The following COA1 variants were observed in gnomAD, a reference collection of about 807,000 sequenced individuals.
COA1 encodes cytochrome c oxidase assembly factor 1 homolog.
A neutral mutation model predicts 16.0 loss-of-function variants in COA1; 13 were observed. The ratio of observed to expected loss-of-function variants is 0.81; its 90% confidence interval spans 0.53 to 1.29. The LOEUF is 1.29. Ranked by LOEUF, COA1 falls within the 50% of genes most tolerant of loss-of-function variation. The probability of loss-of-function intolerance (pLI) is 0.00; values close to 1 mark genes in which losing one functional copy is unlikely to be tolerated. For synonymous variants in COA1, 65 were observed against 65.7 expected (o/e 0.99, Z 0.05); for missense variants, 179 against 177.0 (o/e 1.01, Z -0.06).
chr7:43,672,773 C>CA (rs34219718), intron 1 of COA1, among the ~76,000 whole-genome samples: 21,814 of 100,628 alleles, frequency 0.22, 2,031 homozygotes, highest in Non-Finnish European at 0.28. Context: ...CATCTCAAAC[C>CA]AAAAAAAAAA....
At chr7:43,698,779 G>A (rs951679649) in intron 1 of COA1, among the ~76,000 whole-genome samples, 1 of 152,154 alleles carries the variant, frequency 6.6e-6, no homozygotes, top group African/African-American at 2.4e-5. Context: ...GCTAGAATAT[G>A]TTTTAAAAGT....
At chr7:43,699,837 T>TA (rs1407800757) in intron 1 of COA1, among the ~76,000 whole-genome samples, 1 of 152,158 alleles carries the variant, frequency 6.6e-6, no homozygotes, top group African/African-American at 2.4e-5. Flanking sequence ...GAGGCATGAT[T>TA]AGAGTCAGTC....
chr7:43,623,844 G>A lies in COA1; in HGVS notation c.*134-14349C>T, dbSNP rs535329496. On this transcript the variant is annotated intron_variant and NMD_transcript_variant, in intron 6 of 6. Transcript: ENST00000415076. ...AGGAAGAATTTGATGTTTTGTCTGA[G>A]TCGGCTGTTGATTTCATCAGGACAC... The A allele has an allele frequency of 5.0e-6, 8 of 1,595,386 alleles. No individual in the cohort carries two copies. In the East Asian group the frequency reaches 1.1e-4, roughly 23 times the overall value.
chr7:43,717,809 G>A (rs1255781559), intron 1 of COA1, among the ~76,000 whole-genome samples: 1 of 152,178 alleles, frequency 6.6e-6, no homozygotes, highest in Non-Finnish European at 1.5e-5. Flanking sequence ...CTGAATCATG[G>A]GGGCGGTTTC....
At position 43,690,115 on chromosome 7, in the gene COA1, T is replaced by C. The variant is rs116982781; in HGVS notation, c.-39+39314A>G. 8.1e-3 allele frequency among the ~76,000 whole-genome samples: 1,226 copies of C among 152,142 alleles called. 7 individuals are homozygous for C. The highest frequency in any genetic ancestry group is 0.012 in the Non-Finnish European group (783 of 67,982). ...AAAATAATAATAATAGATGTTGGTG[T>C]GGATGCAGTGAAAAGGGAACACTTT... On this transcript the variant is annotated intron_variant, in intron 1 of 5. Coordinates refer to ENST00000223336, the MANE Select transcript of COA1 (RefSeq NM_018224.4).
intron 6 of COA1, among the ~76,000 whole-genome samples, chr7:43,612,534 T>G (rs2082968031): frequency 6.6e-6 from 1 of 152,252 alleles, no homozygotes; most frequent in Non-Finnish European, 1.5e-5. Flanking sequence ...ATGTTTTCAT[T>G]CTCTAAAAAC....
At chr7:43,622,583 A>G (rs1376864552) in intron 6 of COA1, 1 of 151,732 alleles carries the variant, frequency 6.6e-6, no homozygotes, top group South Asian at 2.1e-4. Flanking sequence ...GTGGATTGTG[A>G]GTAGATTTTT....
chr7:43,630,115 G>C (rs1414910561), intron 6 of COA1, among the ~76,000 whole-genome samples: 1 of 152,116 alleles, frequency 6.6e-6, no homozygotes, highest in Non-Finnish European at 1.5e-5. Flanking sequence ...TTGTGACAGA[G>C]ATCTGAAGGC....
downstream of COA1, among the ~76,000 whole-genome samples, chr7:43,637,500 G>C (rs1235052972): frequency 3.3e-5 from 5 of 152,156 alleles, no homozygotes; most frequent in African/African-American, 4.8e-5. Flanking sequence ...CTTTTCCTCT[G>C]ATGCATTATC....
chr7:43,719,476 GAATGA>G (rs1394670449), intron 1 of COA1, among the ~76,000 whole-genome samples: 3 of 152,168 alleles, frequency 2.0e-5, no homozygotes, highest in African/African-American at 7.2e-5. Flanking sequence ...AATGCTAGAA[GAATGA>G]AATTACAAAA....
intron 1 of COA1, among the ~76,000 whole-genome samples, chr7:43,688,923 A>G (rs2094155104): frequency 6.6e-6 from 1 of 152,226 alleles, no homozygotes; most frequent in Admixed American, 6.5e-5. Flanking sequence ...TTAAAAATGT[A>G]ATCTTTTTTT....
chr7:43,690,821 G>A (rs189349247), intron 1 of COA1, among the ~76,000 whole-genome samples: 25 of 152,138 alleles, frequency 1.6e-4, no homozygotes, highest in Admixed American at 1.4e-3. Context: ...GTCTAACACA[G>A]ACTAATGTCT....
At chr7:43,637,548 G>A (rs983908541), downstream of COA1, among the ~76,000 whole-genome samples, 1 of 152,166 alleles carries the variant, frequency 6.6e-6, no homozygotes, top group African/African-American at 2.4e-5. Flanking sequence ...GTCGATGGCT[G>A]AGTCACAGTG....
chr7:43,623,528 T>C (rs372215385), intron 6 of COA1: 1 of 1,570,764 alleles, frequency 6.4e-7, no homozygotes, highest in African/African-American at 1.4e-5. Flanking sequence ...AATTAGGAAT[T>C]TTTTTCCACA....
intron 1 of COA1, among the ~76,000 whole-genome samples, chr7:43,672,647 G>A (rs893581434): frequency 2.0e-5 from 3 of 152,066 alleles, no homozygotes; most frequent in Non-Finnish European, 4.4e-5. Context: ...GTGCACACCT[G>A]TAGTCCCAGC....
intron 1 of COA1, among the ~76,000 whole-genome samples, chr7:43,728,851 T>C (rs1177008431): frequency 6.6e-6 from 1 of 152,178 alleles, no homozygotes; most frequent in Admixed American, 6.5e-5. Flanking sequence ...TCCATAGATT[T>C]TTTTAAATTA....
chr7:43,658,017 T>C (rs150679555), intron 1 of COA1, among the ~76,000 whole-genome samples: 42 of 152,030 alleles, frequency 2.8e-4, no homozygotes, highest in African/African-American at 9.9e-4. Flanking sequence ...AGAGTATGAC[T>C]CTGTGTCAAA....
At chr7:43,726,373 T>C (rs987207756) in intron 1 of COA1, among the ~76,000 whole-genome samples, 5 of 152,130 alleles carry the variant, frequency 3.3e-5, no homozygotes, top group Non-Finnish European at 5.9e-5. Context: ...CCTAAACTAT[T>C]AGCCAGAAGG....
intron 1 of COA1, among the ~76,000 whole-genome samples, chr7:43,689,358 ATG>A (rs1174871299): frequency 6.6e-6 from 1 of 152,190 alleles, no homozygotes; most frequent in African/African-American, 2.4e-5. Flanking sequence ...GTAATCTGGT[ATG>A]TGTGTGTTTG....
Sources: allele counts gnomAD v4.1 joint callset (sites outside exome capture counted in the v4.1 genomes callset), GRCh38; gene constraint gnomAD v4.1.1; transcripts MANE v1.5; gene names NCBI Gene and HGNC (gene_info 2026-07-23, HGNC 2026-07-21).